WNT5A: variants seen among roughly 807,000 people sequenced by gnomAD.
WNT5A encodes Wnt family member 5A.
In WNT5A, 9 loss-of-function variants were observed where a neutral mutation model predicts 42.1. The ratio of observed to expected loss-of-function variants is 0.21; its 90% CI spans 0.13 to 0.37. WNT5A has a LOEUF of 0.37. WNT5A is among the 10% of genes least tolerant of loss of function. The pLI is 1.00. For missense variants in WNT5A, 426 were observed against 534.0 expected, an observed-to-expected ratio of 0.80 and a Z score of 1.99; for synonymous variants, 210 against 210.0, an observed-to-expected ratio of 1.00 and a Z score of 0.00.
chr3:55,500,211 C>A, the WNT5A span, among the ~76,000 whole-genome samples: 2 of 152,246 alleles, frequency 1.3e-5, no homozygotes, highest in South Asian at 4.1e-4. Context: ...AGCTACCCTG[C>A]AGGATTGCAC....
At chr3:55,486,460 G>C (rs2051580764) in intron 1 of WNT5A, among the ~76,000 whole-genome samples, 1 of 152,222 alleles carries the variant, frequency 6.6e-6, no homozygotes, top group African/African-American at 2.4e-5. Context: ...TCGGTGCGGG[G>C]GGGTGTCGGG....
chr3:55,481,488 T>TGGGGGG, intron 1 of WNT5A: 1 of 101,894 alleles, frequency 9.8e-6, no homozygotes, highest in Non-Finnish European at 2.1e-5. Context: ...GGGCAGGGGG[T>TGGGGGG]GGGGGGCGAG....
chr3:55,488,374 T>C (rs1575409770), upstream of WNT5A: 2 of 96,244 alleles, frequency 2.1e-5, no homozygotes, highest in African/African-American at 4.1e-5. Context: ...TCCCTCCCTC[T>C]CTCCAGACTC....
At chr3:55,479,662 G>A in intron 2 of WNT5A, 98 bp from the exon 3 acceptor site, 1 of 1,422,898 alleles carries the variant, frequency 7.0e-7, no homozygotes, top group Non-Finnish European at 9.4e-7. Context: ...GCACACAGAT[G>A]CTTTTTTCTC....
rs2051454870 is a variant in WNT5A, at chr3:55,481,224, C to T, written c.7-306G>A. The T allele has an allele frequency of 4.4e-6, 4 of 914,156 alleles. No individual in the cohort carries two copies. In the South Asian group the frequency reaches 1.5e-4, roughly 34 times the overall value. The allele number at this position is 914,156 out of a possible 1,614,324, so 56.6% of individuals were successfully genotyped here. On this transcript the variant is annotated intron_variant, in intron 1 of 4. Transcript: ENST00000264634. Reference sequence around the variant, plus strand: ...CCAGGCGCTGCCTCCTTCCTGCTCGCTCGAGTCCCGCACCCCCTGGCCCCC... The same window carrying T: ...CCAGGCGCTGCCTCCTTCCTGCTCGTTCGAGTCCCGCACCCCCTGGCCCCC...
At chr3:55,486,937 G>T (rs1266859193) in intron 1 of WNT5A, 43 bp downstream of exon 1, 3 of 1,528,598 alleles carry the variant, frequency 2.0e-6, no homozygotes, top group Non-Finnish European at 2.7e-6. Flanking sequence ...ACAGGGGGTG[G>T]GGGGAAGTAA....
In WNT5A at chr3:55,469,825, T is replaced by A. The variant is rs536025476; in HGVS notation, c.*267A>T. On this transcript the variant is annotated 3_prime_UTR_variant, in exon 5 of 5. Transcript: ENST00000264634. ...TATGTGTTATTTCCCCTTCATTCTA[T>A]ACTATCAAAAGAAGTCTTGTATTAC... is the stretch of plus-strand genomic sequence containing the variant. 1.4e-4 allele frequency: 55 copies of A among 390,630 alleles called. No individual in the cohort carries two copies. The highest frequency in any genetic ancestry group is 7.6e-4 in the Admixed American group (18 of 23,540). 24.2% of individuals were successfully genotyped at this position (390,630 alleles called of 1,614,324 possible). A position where few individuals can be genotyped will look rare whatever the true frequency, so the allele number is the denominator to read the frequency against.
chr3:55,490,764 T>C (rs916383173), upstream of WNT5A, among the ~76,000 whole-genome samples: 1 of 152,224 alleles, frequency 6.6e-6, no homozygotes, highest in Non-Finnish European at 1.5e-5. Flanking sequence ...ATAATCTTGA[T>C]TTATTCCACT....
the WNT5A span, chr3:55,497,278 G>C: frequency 1.3e-5 from 2 of 152,276 alleles, no homozygotes; most frequent in African/African-American, 4.8e-5. Context: ...TCCTGGAAGA[G>C]GGCTAAAGGG....
intron 4 of WNT5A, 43 bp downstream of exon 4, chr3:55,474,294 G>A: frequency 6.2e-7 from 1 of 1,610,092 alleles, no homozygotes; most frequent in Non-Finnish European, 8.5e-7. Flanking sequence ...AGGGCAAGGT[G>A]AGAAGACAGA....
At chr3:55,502,444 C>G in the WNT5A span, among the ~76,000 whole-genome samples, 1 of 152,194 alleles carries the variant, frequency 6.6e-6, no homozygotes, top group Non-Finnish European at 1.5e-5. Context: ...ACAATTCCTT[C>G]CCTGCAACTT....
upstream of WNT5A, chr3:55,487,960 G>A (rs1250959772): frequency 6.6e-6 from 1 of 152,202 alleles, no homozygotes; most frequent in African/African-American, 2.4e-5. Flanking sequence ...TCTCTCTTCG[G>A]GTTGATCTCT....
At chr3:55,493,340 C>G (rs1211321154), upstream of WNT5A, among the ~76,000 whole-genome samples, 1 of 152,188 alleles carries the variant, frequency 6.6e-6, no homozygotes, top group Non-Finnish European at 1.5e-5. Context: ...ACTTATTCTT[C>G]CCTCTGCCTG....
the WNT5A span, among the ~76,000 whole-genome samples, chr3:55,499,990 AAAAAATTAAATT>A: frequency 6.6e-6 from 1 of 151,746 alleles, no homozygotes; most frequent in Admixed American, 6.6e-5. Flanking sequence ...CAAAAAAAAA[AAAAAATTAAATT>A]AAATTAAATT....
At chr3:55,500,158 T>G in the WNT5A span, among the ~76,000 whole-genome samples, 2 of 152,114 alleles carry the variant, frequency 1.3e-5, 1 homozygote, top group South Asian at 4.1e-4. Flanking sequence ...GGATTTACAG[T>G]GTTTACCATG....
At chr3:55,501,046 A>G in the WNT5A span, among the ~76,000 whole-genome samples, 3 of 152,248 alleles carry the variant, frequency 2.0e-5, no homozygotes, top group South Asian at 6.2e-4. Context: ...AGTTATTATT[A>G]TTATCACTTT....
chr3:55,470,341 G>A lies in WNT5A; in HGVS notation c.894C>T (p.Asp298=), dbSNP rs1425287133. The A allele has an allele frequency of 2.5e-6, 4 of 1,614,084 alleles. No individual in the cohort carries two copies. Among genetic ancestry groups the A allele is most frequent in the African/African-American group, 1.3e-5 (1 of 75,082 alleles). Residue 298 remains aspartate (D), a synonymous_variant, in exon 5 of 5, where the codon GAC becomes GAT. Transcript: ENST00000264634. ...NSRFNSPTTQ[D]LVYIDPSPDY... ...CAGGGCTGGGGTCGATGTAGACCAGGTCTTGTGTGGTGGGCGAGTTGAAGC... is the reference window on the plus strand; with the variant it reads ...CAGGGCTGGGGTCGATGTAGACCAGATCTTGTGTGGTGGGCGAGTTGAAGC...
chr3:55,470,669 C>T lies in WNT5A; in HGVS notation c.685-119G>A, dbSNP rs186810651. The T allele has an allele frequency of 2.1e-4, 203 of 959,046 alleles. 1 individual carries two copies. The highest frequency in any genetic ancestry group is 7.4e-4 in the Admixed American group (25 of 33,646). The allele number at this position is 959,046 out of a possible 1,614,324, so 59.4% of individuals were successfully genotyped here. On this transcript the variant is annotated intron_variant, in intron 4 of 4. Coordinates refer to ENST00000264634, the MANE Select transcript of WNT5A (RefSeq NM_003392.7). ...CTATGTTCCCCAGCTGAATTAAGGA[C>T]TGTATTATATTTCCTTCATTACCAG...
At chr3:55,482,871 C>G (rs1291162548) in intron 1 of WNT5A, among the ~76,000 whole-genome samples, 1 of 152,188 alleles carries the variant, frequency 6.6e-6, no homozygotes, top group Admixed American at 6.5e-5. Flanking sequence ...CAAGGGCAGC[C>G]GATGCCGCGT....
Sources: gnomAD v4.1 joint callset for allele counts (sites outside exome capture counted in the v4.1 genomes callset) on GRCh38, gnomAD v4.1.1 for gene constraint, MANE v1.5 for transcripts, NCBI Gene and HGNC (gene_info 2026-07-23, HGNC 2026-07-21) for gene names.